The following PKIG variants were observed in gnomAD, a reference collection of about 807,000 sequenced individuals.
PKIG encodes the protein protein kinase (cAMP-dependent, catalytic) inhibitor gamma.
PKIG carries 1 observed loss-of-function variant against 6.8 expected under a neutral mutation model. The observed-to-expected ratio is 0.15, with a 90% confidence interval of 0.05 to 0.69. The LOEUF is 0.69. Among genes scored for constraint, PKIG ranks in the 30% least tolerant of loss-of-function variants. PKIG has a pLI of 0.82. For synonymous variants in PKIG, 39 were observed against 43.0 expected, an observed-to-expected ratio of 0.91 and a Z score of 0.36; for missense variants, 77 against 104.0, an observed-to-expected ratio of 0.74 and a Z score of 1.13.
intron 2 of PKIG, among the ~76,000 whole-genome samples, chr20:44,613,867 C>T (rs2065240698): frequency 6.6e-6 from 1 of 152,210 alleles, no homozygotes; most frequent in Admixed American, 6.5e-5. Context: ...CTGGCTCCTG[C>T]CTACCTCAGC....
At position 44,614,550 on chromosome 20, in the gene PKIG, G is replaced by A. The variant is rs199704290; in HGVS notation, c.-7G>A. ...TCCCCACAGGCCTGAGGAGCGATGCGACAGGCATGATGGAGGTCGAGTCCT... is the reference window on the plus strand; with the variant it reads ...TCCCCACAGGCCTGAGGAGCGATGCAACAGGCATGATGGAGGTCGAGTCCT... On this transcript the variant is annotated 5_prime_UTR_variant, in exon 3 of 4. Transcript: ENST00000372886. This position sits in a 1 kb window ranked among gnomAD's most constrained non-coding sequence, Gnocchi z 4.6. 46 of 1,613,726 alleles carry A rather than the reference G, an allele frequency of 2.9e-5. No homozygotes were observed. The highest frequency in any genetic ancestry group is 2.2e-4 in the Admixed American group (13 of 60,012).
intron 2 of PKIG, among the ~76,000 whole-genome samples, chr20:44,593,454 A>G: frequency 6.6e-6 from 1 of 152,104 alleles, no homozygotes; most frequent in East Asian, 1.9e-4. Flanking sequence ...TGACATTTGC[A>G]AAAACATGGT....
chr20:44,604,256 G>A (rs185436913), intron 2 of PKIG, among the ~76,000 whole-genome samples: 24 of 152,328 alleles, frequency 1.6e-4, no homozygotes, highest in East Asian at 7.7e-4. Flanking sequence ...CATGAGTTAC[G>A]GGTAATAGGT....
intron 2 of PKIG, among the ~76,000 whole-genome samples, chr20:44,597,209 A>C (rs2065082410): frequency 1.3e-5 from 2 of 150,784 alleles, no homozygotes; most frequent in African/African-American, 4.9e-5. Context: ...ATAATTCCCC[A>C]CCAGGTCCCC....
At chr20:44,590,705 C>A (rs2065026882) in intron 2 of PKIG, among the ~76,000 whole-genome samples, 1 of 152,164 alleles carries the variant, frequency 6.6e-6, no homozygotes, top group South Asian at 2.1e-4. Context: ...TTGGCCTACA[C>A]CCACCTGGAC....
intron 2 of PKIG, among the ~76,000 whole-genome samples, chr20:44,604,388 T>G (rs752136051): frequency 1.3e-5 from 2 of 152,220 alleles, no homozygotes; most frequent in Non-Finnish European, 2.9e-5. Flanking sequence ...TCTAGATGTC[T>G]GCAGCTCAGC....
At chr20:44,543,614 T>C (rs927529154) in intron 1 of PKIG, among the ~76,000 whole-genome samples, 2 of 152,340 alleles carry the variant, frequency 1.3e-5, no homozygotes, top group South Asian at 4.1e-4. Context: ...AAGGTTCACT[T>C]AATCTACTGT....
intron 1 of PKIG, among the ~76,000 whole-genome samples, chr20:44,561,095 T>C (rs1355014595): frequency 6.6e-6 from 1 of 152,196 alleles, no homozygotes; most frequent in Non-Finnish European, 1.5e-5. Context: ...CCCAGCCCTT[T>C]GGGAGGCCTA....
intron 2 of PKIG, among the ~76,000 whole-genome samples, chr20:44,608,793 C>G (rs1422719831): frequency 1.6e-5 from 1 of 60,720 alleles, no homozygotes; most frequent in Non-Finnish European, 3.1e-5. Context: ...CAGCGAGACC[C>G]TGTCTCAAAA....
chr20:44,573,406 T>C (rs1354870346), intron 1 of PKIG, among the ~76,000 whole-genome samples: 1 of 152,240 alleles, frequency 6.6e-6, no homozygotes, highest in East Asian at 1.9e-4. Context: ...TAAGGAATGG[T>C]AGAAGGAGTA....
At chr20:44,574,660 A>C (rs1398168915) in intron 1 of PKIG, among the ~76,000 whole-genome samples, 1 of 151,824 alleles carries the variant, frequency 6.6e-6, no homozygotes, top group African/African-American at 2.4e-5. Flanking sequence ...TGCTACCTCC[A>C]CCTCCCTGGT....
intron 2 of PKIG, among the ~76,000 whole-genome samples, chr20:44,613,590 T>C (rs2065238235): frequency 6.6e-6 from 1 of 152,182 alleles, no homozygotes; most frequent in Non-Finnish European, 1.5e-5. Context: ...CACACTTCTG[T>C]CCACCTACTT....
At chr20:44,617,910 AAC>A (rs1159418714) in intron 3 of PKIG, among the ~76,000 whole-genome samples, 8 of 151,356 alleles carry the variant, frequency 5.3e-5, no homozygotes, top group African/African-American at 1.9e-4. Context: ...AAAAAAAACA[AAC>A]AAACAGAACA....
At chr20:44,532,112 G>C (rs1330027870) in intron 1 of PKIG, 1 of 152,210 alleles carries the variant, frequency 6.6e-6, no homozygotes, top group African/African-American at 2.4e-5. Flanking sequence ...TCCCTCAGCC[G>C]CGCCGGGGAC....
At chr20:44,606,726 T>C (rs2065166605) in intron 2 of PKIG, among the ~76,000 whole-genome samples, 1 of 152,182 alleles carries the variant, frequency 6.6e-6, no homozygotes, top group Admixed American at 6.5e-5. Flanking sequence ...GGAAAATCAC[T>C]TGAATCTGGG....
intron 1 of PKIG, among the ~76,000 whole-genome samples, chr20:44,533,641 T>C (rs1342159204): frequency 6.6e-6 from 1 of 151,928 alleles, no homozygotes; most frequent in East Asian, 1.9e-4. Flanking sequence ...CAACTGGAAC[T>C]TAAAGATCAA....
At chr20:44,617,136 C>T (rs902214957) in intron 3 of PKIG, among the ~76,000 whole-genome samples, 3 of 152,136 alleles carry the variant, frequency 2.0e-5, no homozygotes, top group Admixed American at 6.5e-5. Context: ...GTGCATTGCA[C>T]GAGAAAGTGC....
At chr20:44,574,598 G>A (rs1417375558) in intron 1 of PKIG, among the ~76,000 whole-genome samples, 2 of 150,828 alleles carry the variant, frequency 1.3e-5, no homozygotes, top group African/African-American at 4.9e-5. Flanking sequence ...TTTTGTTTTT[G>A]CAATGTCGCC....
chr20:44,610,497 C>G lies in PKIG; in HGVS notation c.-23-4037C>G, dbSNP rs1051764623. Among the ~76,000 whole-genome samples, 16 of 145,538 alleles carry G rather than the reference C, an allele frequency of 1.1e-4. No individual in the cohort carries two copies. In the South Asian group the frequency reaches 3.5e-3, roughly 32 times the overall value. ...CTCTCTCTCTCTCTTCTCTCTCTCT[C>G]TCTCACACACACACACACACACACA... On this transcript the variant is annotated intron_variant, in intron 2 of 3. Transcript: ENST00000372886.
Sources: gnomAD v4.1 joint callset for allele counts (sites outside exome capture counted in the v4.1 genomes callset) on GRCh38, gnomAD v4.1.1 for gene constraint, Gnocchi (gnomAD v3.1) non-coding constraint, MANE v1.5 for transcripts, NCBI Gene and HGNC (gene_info 2026-07-23, HGNC 2026-07-21) for gene names.